The following RARB variants were observed in gnomAD, a reference collection of about 807,000 sequenced individuals.
The protein encoded by RARB is retinoic acid receptor beta.
Under a neutral mutation model 51.9 loss-of-function variants are expected in RARB, and 17 were observed. That is an observed-to-expected ratio of 0.33 (90% confidence interval 0.22 to 0.49). The LOEUF is 0.49. Among genes scored for constraint, RARB ranks in the 20% least tolerant of loss-of-function variants. The probability of loss-of-function intolerance (pLI) is 0.99; values close to 1 mark genes in which losing one functional copy is unlikely to be tolerated. For synonymous variants in RARB, 215 were observed against 195.4 expected (o/e 1.10, Z -0.84); for missense variants, 369 against 550.8 (o/e 0.67, Z 3.30).
intron 2 of RARB, among the ~76,000 whole-genome samples, chr3:24,949,196 A>G (rs184802483): frequency 4.3e-4 from 65 of 152,298 alleles, no homozygotes; most frequent in African/African-American, 1.3e-3. Flanking sequence ...TGTCAAAGGT[A>G]TTGGAGTATT....
At position 25,410,609 on chromosome 3, in the gene RARB, C is replaced by G. The variant is rs138711537; in HGVS notation, c.179-50584C>G. ...CCTTATAGTCCCCTAAGCCCTGTTA[C>G]AGTAACCTAGAAAACACGGGGGTGT... On this transcript the variant is annotated intron_variant, in intron 5 of 11. Coordinates refer to the RARB transcript ENST00000383772. 4.5e-3 allele frequency among the ~76,000 whole-genome samples: 684 copies of G among 152,288 alleles called. 7 individuals are homozygous for G. Among genetic ancestry groups the G allele is most frequent in the African/African-American group, 0.016 (660 of 41,556 alleles).
At chr3:24,833,852 C>A (rs1702310836) in intron 1 of RARB, among the ~76,000 whole-genome samples, 1 of 152,194 alleles carries the variant, frequency 6.6e-6, no homozygotes, top group Non-Finnish European at 1.5e-5. Flanking sequence ...TCTAGCCATA[C>A]CAGTTGATAA....
At chr3:25,583,005 T>C (rs1342774357) in intron 5 of RARB, among the ~76,000 whole-genome samples, 5 of 152,162 alleles carry the variant, frequency 3.3e-5, no homozygotes, top group Non-Finnish European at 5.9e-5. Flanking sequence ...ATTTCAGCCC[T>C]GTGGTGGGAA....
intron 3 of RARB, among the ~76,000 whole-genome samples, chr3:25,515,789 C>T (rs1575478776): frequency 6.6e-6 from 1 of 152,270 alleles, no homozygotes; most frequent in South Asian, 2.1e-4. Flanking sequence ...CACATGGAAT[C>T]CCTGTGGGGT....
intron 3 of RARB, among the ~76,000 whole-genome samples, chr3:25,126,889 C>G (rs895405286): frequency 1.3e-5 from 2 of 152,102 alleles, no homozygotes; most frequent in African/African-American, 4.8e-5. Context: ...CAAGGTAAAA[C>G]CTTTAGTCAT....
intron 5 of RARB, among the ~76,000 whole-genome samples, chr3:25,203,154 T>C (rs1384745442): frequency 1.3e-5 from 2 of 152,198 alleles, no homozygotes; most frequent in Non-Finnish European, 2.9e-5. Flanking sequence ...AGTTAGCTCT[T>C]CTTGTTGAAT....
chr3:25,003,697 T>C (rs994508490), intron 2 of RARB, among the ~76,000 whole-genome samples: 3 of 152,080 alleles, frequency 2.0e-5, no homozygotes, highest in Admixed American at 6.6e-5. Context: ...CTGTGCAAGA[T>C]TGAGTATTTA....
chr3:25,049,931 C>T (rs1479777829), intron 2 of RARB, among the ~76,000 whole-genome samples: 2 of 152,098 alleles, frequency 1.3e-5, no homozygotes, highest in Admixed American at 6.6e-5. Context: ...GGGAAAGACA[C>T]GTAGACGGGT....
chr3:25,161,948 C>A (rs971183238), intron 4 of RARB, among the ~76,000 whole-genome samples: 2 of 151,998 alleles, frequency 1.3e-5, no homozygotes, highest in African/African-American at 4.8e-5. Flanking sequence ...ACCCTGTGCC[C>A]AGGGTACAGA....
chr3:25,254,241 G>A (rs1336481042), intron 5 of RARB, among the ~76,000 whole-genome samples: 1 of 152,140 alleles, frequency 6.6e-6, no homozygotes, highest in Non-Finnish European at 1.5e-5. Context: ...AGAGCTGTGT[G>A]TTCCTTATGG....
At chr3:25,451,185 G>A (rs1709179421) in intron 1 of RARB, among the ~76,000 whole-genome samples, 1 of 152,188 alleles carries the variant, frequency 6.6e-6, no homozygotes, top group Non-Finnish European at 1.5e-5. Context: ...TGGAGGTGAA[G>A]GTTGGCTATC....
chr3:25,555,468 T>C (rs367970716), intron 3 of RARB: 2 of 152,338 alleles, frequency 1.3e-5, no homozygotes, highest in South Asian at 4.1e-4. Flanking sequence ...GAAACATCTT[T>C]TATCACCGCC....
At chr3:25,522,989 G>A (rs1293345253) in intron 3 of RARB, among the ~76,000 whole-genome samples, 1 of 152,174 alleles carries the variant, frequency 6.6e-6, no homozygotes, top group Non-Finnish European at 1.5e-5. Context: ...TTGGTCACAA[G>A]GGCTCGTATT....
At chr3:24,994,952 A>G (rs922492707) in intron 2 of RARB, among the ~76,000 whole-genome samples, 13 of 152,124 alleles carry the variant, frequency 8.5e-5, no homozygotes, top group African/African-American at 3.1e-4. Flanking sequence ...GTTTTTGCTC[A>G]GGAATGTTTT....
chr3:25,175,291 C>T (rs1321475957), intron 5 of RARB, among the ~76,000 whole-genome samples: 1 of 152,158 alleles, frequency 6.6e-6, no homozygotes, highest in African/African-American at 2.4e-5. Flanking sequence ...GCTTTTCCAC[C>T]TGTTAATAAC....
At chr3:24,847,640 A>G (rs1036888025) in intron 1 of RARB, among the ~76,000 whole-genome samples, 2 of 152,198 alleles carry the variant, frequency 1.3e-5, no homozygotes, top group Admixed American at 6.5e-5. Context: ...TGAGATGAAG[A>G]GGTTTCTCAC....
At chr3:25,257,830 T>C (rs549041718) in intron 5 of RARB, among the ~76,000 whole-genome samples, 9 of 152,226 alleles carry the variant, frequency 5.9e-5, no homozygotes, top group Admixed American at 5.9e-4. Flanking sequence ...TACCTAGTCC[T>C]TTAAAACACC....
At chr3:25,512,160 G>A (rs1220469564) in intron 3 of RARB, among the ~76,000 whole-genome samples, 4 of 152,176 alleles carry the variant, frequency 2.6e-5, no homozygotes, top group African/African-American at 7.2e-5. Flanking sequence ...TTAGCTAAGC[G>A]TTAGCTCCTG....
chr3:25,145,746 C>T (rs893735276), intron 4 of RARB, among the ~76,000 whole-genome samples: 3 of 152,080 alleles, frequency 2.0e-5, no homozygotes, highest in Non-Finnish European at 4.4e-5. Flanking sequence ...TGGTGGCCCA[C>T]ACCTTTAATC....
Sources: allele counts gnomAD v4.1 joint callset (sites outside exome capture counted in the v4.1 genomes callset), GRCh38; gene constraint gnomAD v4.1.1; transcripts MANE v1.5; gene names NCBI Gene and HGNC (gene_info 2026-07-23, HGNC 2026-07-21).